Variants in C18orf63 observed in about 807,000 individuals in gnomAD.
C18orf63 encodes chromosome 18 open reading frame 63.
In C18orf63, 50 loss-of-function variants were observed where a neutral mutation model predicts 75.3. The ratio of observed to expected loss-of-function variants is 0.66; its 90% confidence interval spans 0.53 to 0.84. C18orf63 has a LOEUF of 0.84. Ranked by LOEUF, C18orf63 falls within the 40% of genes least tolerant of loss-of-function variation. The pLI is 0.00. For missense variants in C18orf63, 732 were observed against 800.2 expected (o/e 0.91, Z 1.03); for synonymous variants, 232 against 267.6 (o/e 0.87, Z 1.30).
intron 5 of C18orf63, among the ~76,000 whole-genome samples, chr18:74,328,663 A>G (rs1174441329): frequency 2.6e-5 from 4 of 152,196 alleles, no homozygotes; most frequent in African/African-American, 9.7e-5. Flanking sequence ...GAATAAATGT[A>G]AGTTACAAAG....
intron 6 of C18orf63, among the ~76,000 whole-genome samples, chr18:74,330,292 A>T (rs1181993595): frequency 6.6e-6 from 1 of 152,220 alleles, no homozygotes; most frequent in Non-Finnish European, 1.5e-5. Context: ...AAGAAACAAC[A>T]TTAAGAGCAC....
Position 74,330,989 on chromosome 18 carries a change from T to A in C18orf63, c.501+47T>A, listed in dbSNP as rs1438312083. On this transcript the variant is annotated intron_variant, in intron 7 of 13. Transcript: ENST00000579455. ...ATACTTTATTATATTTACTATATAC[T>A]TTTTATATTTATTATTGTTACTAAC... 5.5e-6 allele frequency: 4 copies of A among 730,884 alleles called. No homozygotes were observed. In the South Asian group the frequency reaches 1.3e-4, roughly 24 times the overall value. The allele number at this position is 730,884 out of a possible 1,614,324, so 45.3% of individuals were successfully genotyped here. A position where few individuals can be genotyped will look rare whatever the true frequency, so the allele number is the denominator to read the frequency against.
intron 11 of C18orf63, 80 bp downstream of exon 11, chr18:74,343,782 G>A: frequency 1.1e-6 from 1 of 878,356 alleles, no homozygotes; most frequent in Non-Finnish European, 1.6e-6. Flanking sequence ...CTTCTGGGGT[G>A]GAACACCCAA....
At chr18:74,327,110 A>T (rs933953996) in intron 4 of C18orf63, among the ~76,000 whole-genome samples, 2 of 152,180 alleles carry the variant, frequency 1.3e-5, no homozygotes, top group African/African-American at 4.8e-5. Context: ...TAACGAAGGA[A>T]TTCTTAACCG....
intron 11 of C18orf63, among the ~76,000 whole-genome samples, chr18:74,345,362 A>G (rs1984557512): frequency 6.6e-6 from 1 of 151,974 alleles, no homozygotes; most frequent in African/African-American, 2.4e-5. Flanking sequence ...TCTTAATAGT[A>G]TCTTTTGGCA....
At chr18:74,319,172 G>A (rs1984077385) in intron 2 of C18orf63, among the ~76,000 whole-genome samples, 1 of 152,166 alleles carries the variant, frequency 6.6e-6, no homozygotes, top group African/African-American at 2.4e-5. Flanking sequence ...AAAACCTAAA[G>A]TGAGGTTTTT....
chr18:74,318,556 C>A (rs1019073186), intron 2 of C18orf63, among the ~76,000 whole-genome samples: 1 of 152,016 alleles, frequency 6.6e-6, no homozygotes, highest in Non-Finnish European at 1.5e-5. Flanking sequence ...TTTGGGAGGC[C>A]AAGGTGAGCG....
At chr18:74,320,363 A>G in intron 2 of C18orf63, 150 bp from the exon 3 acceptor site, 1 of 516,716 alleles carries the variant, frequency 1.9e-6, no homozygotes, top group Non-Finnish European at 3.4e-6. Flanking sequence ...CTATCACTAG[A>G]GCAACAGGGG....
intron 11 of C18orf63, among the ~76,000 whole-genome samples, chr18:74,345,233 GT>G (rs376016613): frequency 8.1e-4 from 122 of 151,488 alleles, no homozygotes; most frequent in East Asian, 2.9e-3. Context: ...GTGTTTGTTT[GT>G]TTTTTTATTG....
In C18orf63 at chr18:74,353,301, T is replaced by C; in HGVS notation, c.1034T>C (p.Leu345Pro). ...ACTAAAAAAATGCTTAGGGCATCTC[T>C]GACTCAAGCCACTTCCAGAAAGCCT... ...LTTKKMLRAS[L>P]TQATSRKPAC... is the part of the protein sequence containing the mutation. Residue 345 changes from leucine (L) to proline (P), a missense_variant, in exon 12 of 14, where the codon CTG (leucine) becomes CCG (proline). Coordinates refer to ENST00000579455, the MANE Select transcript of C18orf63 (RefSeq NM_001174123.2). 1 of 1,536,468 alleles carries C rather than the reference T, an allele frequency of 6.5e-7. No individual in the cohort carries two copies. The highest frequency in any genetic ancestry group is 8.7e-7 in the Non-Finnish European group (1 of 1,146,950).
At chr18:74,318,093 C>A in intron 2 of C18orf63, 94 bp downstream of exon 2, 1 of 717,454 alleles carries the variant, frequency 1.4e-6, no homozygotes, top group Non-Finnish European at 2.0e-6. Flanking sequence ...AATACTCATT[C>A]ACTCAACTTG....
chr18:74,329,002 TTTTC>T lies in C18orf63; in HGVS notation c.396_399del (p.Ser133ArgfsTer10), dbSNP rs1206189078. 2.0e-6 allele frequency: 3 copies of T among 1,498,914 alleles called. No individual in the cohort carries two copies. The highest frequency in any genetic ancestry group is 1.4e-5 in the African/African-American group (1 of 72,238). The allele number at this position is 1,498,914 out of a possible 1,614,324, so 92.9% of individuals were successfully genotyped here. A position where few individuals can be genotyped will look rare whatever the true frequency, so the allele number is the denominator to read the frequency against. On this transcript the variant is annotated frameshift_variant, in exon 6 of 14. Coordinates refer to ENST00000579455, the MANE Select transcript of C18orf63 (RefSeq NM_001174123.2). LOFTEE classifies it high-confidence loss of function. ...TTCTATGAATTTTTTAAGGAAGAGA[TTTTC>T]TTTCTCAGATGGGAAAACAAAGTGC...
At chr18:74,351,386 G>T (rs1245808784) in intron 11 of C18orf63, among the ~76,000 whole-genome samples, 1 of 152,190 alleles carries the variant, frequency 6.6e-6, no homozygotes, top group Non-Finnish European at 1.5e-5. Flanking sequence ...ATGACAGAGT[G>T]ATGCAACATA....
intron 11 of C18orf63, among the ~76,000 whole-genome samples, chr18:74,351,181 G>A (rs1984660150): frequency 6.6e-6 from 1 of 152,018 alleles, no homozygotes. Context: ...TATTTTCTTG[G>A]GGACTTTCCG....
chr18:74,319,228 G>T (rs976744701), intron 2 of C18orf63, among the ~76,000 whole-genome samples: 5 of 152,046 alleles, frequency 3.3e-5, no homozygotes, highest in Non-Finnish European at 5.9e-5. Flanking sequence ...CACAGAGTGG[G>T]GTTATCTTCA....
chr18:74,331,386 GGA>G (rs1288668994), intron 7 of C18orf63, among the ~76,000 whole-genome samples: 1 of 152,170 alleles, frequency 6.6e-6, no homozygotes, highest in African/African-American at 2.4e-5. Context: ...CTTAGTAGAA[GGA>G]TATGTCTTTT....
chr18:74,337,117 T>C (rs1367860622), intron 7 of C18orf63, among the ~76,000 whole-genome samples: 3 of 152,238 alleles, frequency 2.0e-5, no homozygotes, highest in East Asian at 3.9e-4. Context: ...TATTTCAACA[T>C]TGCCTAGAGA....
rs776902512 is a variant in C18orf63, at chr18:74,353,584, CA to C, written c.1322del (p.Asn441IlefsTer6). On this transcript the variant is annotated frameshift_variant, in exon 12 of 14. Transcript: ENST00000579455. LOFTEE classifies it high-confidence loss of function. ...TCACCCCTAAGTTTGTACCAGTTTT[CA>C]AAAATAGATTGTTACAAATGAACAA... ...NITPKFVPVFKNRLLQMNKNT... is the reference protein window; with the variant it reads ...NITPKFVPVFXNRLLQMNKNT... 6.5e-7 allele frequency: 1 copy of C among 1,536,326 alleles called. No individual in the cohort carries two copies. The highest frequency in any genetic ancestry group is 1.2e-5 in the South Asian group (1 of 84,056).
rs1984722263 is a variant in C18orf63 at position 74,354,140 on chromosome 18, C to T, written c.1873C>T (p.His625Tyr). The T allele has an allele frequency of 2.6e-6, 4 of 1,536,064 alleles. No individual in the cohort carries two copies. The highest frequency in any genetic ancestry group is 3.9e-5 in the Admixed American group (2 of 50,960). The change falls in exon 12 of 14, where the codon CAC becomes TAC. Residue 625 changes from histidine to tyrosine, a missense_variant. By Grantham distance (83) the His-to-Tyr change is moderately conservative. Coordinates refer to ENST00000579455, the MANE Select transcript of C18orf63 (RefSeq NM_001174123.2). ...AGCTAAAGAAGTTGGTACAAGTGACCACAGGTTGATAGTAAGCAAAATAGC... is the reference window on the plus strand; with the variant it reads ...AGCTAAAGAAGTTGGTACAAGTGACTACAGGTTGATAGTAAGCAAAATAGC... ...NQAKEVGTSDHRLIVSKIAHR... is the reference protein window; with the variant it reads ...NQAKEVGTSDYRLIVSKIAHR...
Sources: allele counts gnomAD v4.1 joint callset (sites outside exome capture counted in the v4.1 genomes callset), GRCh38; gene constraint gnomAD v4.1.1; transcripts MANE v1.5; gene names NCBI Gene and HGNC (gene_info 2026-07-23, HGNC 2026-07-21).